Variants in SMYD3 observed in about 807,000 individuals in gnomAD.
SMYD3 encodes the protein SET and MYND domain containing 3.
In SMYD3, 36 loss-of-function variants were observed where a neutral mutation model predicts 57.7. The ratio of observed to expected loss-of-function variants is 0.62; its 90% CI spans 0.48 to 0.82. The LOEUF is 0.82. SMYD3 is among the 40% of genes least tolerant of loss of function. The pLI is 0.00. For synonymous variants in SMYD3, 211 were observed against 195.0 expected, an observed-to-expected ratio of 1.08 and a Z score of -0.68; for missense variants, 515 against 538.8, an observed-to-expected ratio of 0.96 and a Z score of 0.44.
At chr1:245,769,868 G>T (rs1374217852) in intron 10 of SMYD3, among the ~76,000 whole-genome samples, 2 of 152,164 alleles carry the variant, frequency 1.3e-5, no homozygotes, top group Admixed American at 6.5e-5. Context: ...TCAGCCCATG[G>T]TATCGCTGGG....
chr1:246,303,668 T>C (rs142324663), intron 5 of SMYD3, among the ~76,000 whole-genome samples: 5 of 152,136 alleles, frequency 3.3e-5, no homozygotes, highest in Non-Finnish European at 7.4e-5. Flanking sequence ...TATGCAGCAA[T>C]AGAAAAATGT....
chr1:246,496,556 G>T (rs1038768127), intron 1 of SMYD3, among the ~76,000 whole-genome samples: 1 of 152,076 alleles, frequency 6.6e-6, no homozygotes, highest in Non-Finnish European at 1.5e-5. Flanking sequence ...GGCCAGATGC[G>T]GTAGCTCATG....
At chr1:245,890,687 G>GAACTA (rs1245674534) in intron 8 of SMYD3, among the ~76,000 whole-genome samples, 8 of 152,158 alleles carry the variant, frequency 5.3e-5, no homozygotes, top group Non-Finnish European at 1.2e-4. Flanking sequence ...AACTAAAATA[G>GAACTA]AACTACCATT....
chr1:246,470,628 CTA>C (rs927754931), intron 1 of SMYD3, among the ~76,000 whole-genome samples: 12 of 149,160 alleles, frequency 8.0e-5, no homozygotes, highest in East Asian at 2.0e-4. Flanking sequence ...TATATACACA[CTA>C]TATATATAGT....
intron 1 of SMYD3, among the ~76,000 whole-genome samples, chr1:246,496,714 G>C (rs1273046300): frequency 6.6e-6 from 1 of 152,020 alleles, no homozygotes; most frequent in African/African-American, 2.4e-5. Flanking sequence ...TGTGGTCCCA[G>C]CTACTCAAGG....
At position 245,913,062 on chromosome 1, in the gene SMYD3, C is replaced by T. The variant is rs1007186127; in HGVS notation, c.813+2468G>A. Reference sequence around the variant, plus strand: ...ATGCTGCTATAAAGACACATGCACACGTATGTTTATTGTGGCACTATTCAC... The same window carrying T: ...ATGCTGCTATAAAGACACATGCACATGTATGTTTATTGTGGCACTATTCAC... On this transcript the variant is annotated intron_variant, in intron 8 of 11. Transcript: ENST00000490107. Among the ~76,000 whole-genome samples the T allele has an allele frequency of 7.9e-5, 12 of 152,250 alleles. No individual in the cohort carries two copies. In the East Asian group the frequency reaches 1.2e-3, roughly 15 times the overall value.
At chr1:245,864,551 C>A (rs1340109623) in intron 8 of SMYD3, among the ~76,000 whole-genome samples, 1 of 152,126 alleles carries the variant, frequency 6.6e-6, no homozygotes, top group Non-Finnish European at 1.5e-5. Context: ...ATATGACATG[C>A]CCAGAAGAGG....
intron 8 of SMYD3, among the ~76,000 whole-genome samples, chr1:245,867,398 C>CATTTGATCATAA (rs1215013961): frequency 1.3e-5 from 2 of 152,226 alleles, no homozygotes; most frequent in Non-Finnish European, 2.9e-5. Context: ...TCAATTGTTA[C>CATTTGATCATAA]AGCAGCCACA....
chr1:246,205,427 G>A (rs1246887831), intron 5 of SMYD3, among the ~76,000 whole-genome samples: 2 of 152,112 alleles, frequency 1.3e-5, no homozygotes, highest in Non-Finnish European at 2.9e-5. Flanking sequence ...GCCACAACTC[G>A]CCACAGGAAA....
intron 5 of SMYD3, among the ~76,000 whole-genome samples, chr1:246,115,392 T>C (rs1430558126): frequency 6.6e-6 from 1 of 152,190 alleles, no homozygotes; most frequent in Non-Finnish European, 1.5e-5. Flanking sequence ...CACTAAATAC[T>C]GCTCTGGTCC....
chr1:246,215,128 T>G (rs1312400818), intron 5 of SMYD3, among the ~76,000 whole-genome samples: 2 of 152,110 alleles, frequency 1.3e-5, no homozygotes, highest in Non-Finnish European at 2.9e-5. Context: ...GCACAGTTGC[T>G]GGCGGCTAGA....
intron 10 of SMYD3, among the ~76,000 whole-genome samples, chr1:245,821,147 T>C (rs1463621539): frequency 2.0e-5 from 3 of 149,934 alleles, no homozygotes; most frequent in Non-Finnish European, 4.5e-5. Context: ...CTTCAAACTA[T>C]ACTACAAGGC....
chr1:246,302,536 CAG>C (rs1218922506), intron 5 of SMYD3, among the ~76,000 whole-genome samples: 2 of 152,034 alleles, frequency 1.3e-5, no homozygotes, highest in East Asian at 3.9e-4. Context: ...AGTAAGAAAA[CAG>C]AAGACTACTT....
chr1:246,128,819 T>G (rs951983488), intron 5 of SMYD3, among the ~76,000 whole-genome samples: 17 of 152,214 alleles, frequency 1.1e-4, no homozygotes, highest in African/African-American at 4.1e-4. Flanking sequence ...TTGTTTTGCT[T>G]TGAGATGGGG....
intron 5 of SMYD3, among the ~76,000 whole-genome samples, chr1:246,241,594 G>C (rs1324385888): frequency 6.6e-6 from 1 of 152,174 alleles, no homozygotes; most frequent in Non-Finnish European, 1.5e-5. Context: ...GTATCAGGAT[G>C]ATGATGGCCT....
intron 2 of SMYD3, among the ~76,000 whole-genome samples, chr1:246,339,859 G>A (rs542235442): frequency 1.4e-4 from 22 of 152,300 alleles, no homozygotes; most frequent in African/African-American, 4.1e-4. Context: ...GTCATGTGAC[G>A]CCTTCTGCCA....
At chr1:246,002,058 C>G (rs2059059607) in intron 5 of SMYD3, among the ~76,000 whole-genome samples, 1 of 152,142 alleles carries the variant, frequency 6.6e-6, no homozygotes, top group Non-Finnish European at 1.5e-5. Context: ...ATTCTGTTTA[C>G]TAGAACCAAA....
intron 5 of SMYD3, among the ~76,000 whole-genome samples, chr1:245,969,399 C>T (rs1012426893): frequency 6.6e-6 from 1 of 152,228 alleles, no homozygotes; most frequent in African/African-American, 2.4e-5. Flanking sequence ...CAAGACTTTT[C>T]TCTACTGGAG....
intron 1 of SMYD3, among the ~76,000 whole-genome samples, chr1:246,477,633 T>C (rs1047451613): frequency 7.9e-5 from 12 of 152,242 alleles, no homozygotes; most frequent in Non-Finnish European, 2.9e-5. Flanking sequence ...GTTACAGCAA[T>C]AGATATTATA....
Sources: gnomAD v4.1 joint callset for allele counts (sites outside exome capture counted in the v4.1 genomes callset) on GRCh38, gnomAD v4.1.1 for gene constraint, MANE v1.5 for transcripts, NCBI Gene and HGNC (gene_info 2026-07-23, HGNC 2026-07-21) for gene names.